Variants in SVOP observed in about 807,000 individuals in gnomAD.
SVOP encodes synaptic vesicle 2-related protein.
In SVOP, 17 loss-of-function variants were observed where a neutral mutation model predicts 69.1. The observed-to-expected ratio is 0.25, with a 90% CI of 0.17 to 0.37. The LOEUF (loss-of-function observed/expected upper bound fraction) is 0.37. Ranked by LOEUF, SVOP falls within the 10% of genes least tolerant of loss-of-function variation. The pLI, the probability that SVOP is intolerant of heterozygous loss-of-function variation, is 1.00. For missense variants in SVOP, 435 were observed against 597.5 expected (o/e 0.73, Z 2.84); for synonymous variants, 238 against 238.6 (o/e 1.00, Z 0.02).
intron 12 of SVOP, among the ~76,000 whole-genome samples, chr12:108,920,594 CTTTTTT>C (rs71079507): frequency 1.6e-5 from 2 of 121,318 alleles, no homozygotes; most frequent in Admixed American, 9.6e-5. Flanking sequence ...ATTTTTACAT[CTTTTTT>C]TTTTTTTTTT....
intron 11 of SVOP, among the ~76,000 whole-genome samples, chr12:108,925,808 T>C (rs1162189588): frequency 6.6e-6 from 1 of 152,128 alleles, no homozygotes; most frequent in Non-Finnish European, 1.5e-5. Flanking sequence ...CCATGATGAA[T>C]TTCCTCACTT....
intron 1 of SVOP, among the ~76,000 whole-genome samples, chr12:108,997,526 AG>A (rs1316094287): frequency 1.3e-5 from 2 of 152,284 alleles, no homozygotes; most frequent in Admixed American, 1.3e-4. Context: ...ACAAACAAAA[AG>A]ACAGCAGTAA....
At chr12:109,001,180 C>G in intron 1 of SVOP, among the ~76,000 whole-genome samples, 1 of 34,830 alleles carries the variant, frequency 2.9e-5, no homozygotes, top group African/African-American at 7.4e-5. Context: ...AGACAGAGAG[C>G]CAAATCATGA....
At chr12:109,004,982 C>A (rs553907301) in intron 1 of SVOP, among the ~76,000 whole-genome samples, 1 of 152,224 alleles carries the variant, frequency 6.6e-6, no homozygotes, top group South Asian at 2.1e-4. Flanking sequence ...AAGTGATCTA[C>A]CTGTCTTGGC....
rs1436769128 is a variant in SVOP at position 108,997,686 on chromosome 12, C to G, written c.36-13925G>C. On this transcript the variant is annotated intron_variant, in intron 1 of 15. Transcript: ENST00000610966. ...CCGAGCAGCCTAACTGGGAGGCACCCCCCAGCAGGGGCACACTGACAACTC... is the reference window on the plus strand; with the variant it reads ...CCGAGCAGCCTAACTGGGAGGCACCGCCCAGCAGGGGCACACTGACAACTC... 8.6e-5 allele frequency among the ~76,000 whole-genome samples: 13 copies of G among 151,562 alleles called. No individual in the cohort carries two copies. The South Asian group carries it at 1.5e-3, about 17-fold the overall frequency.
chr12:108,986,633 A>G (rs886168385), intron 1 of SVOP, among the ~76,000 whole-genome samples: 4 of 152,188 alleles, frequency 2.6e-5, no homozygotes, highest in African/African-American at 9.7e-5. Context: ...GGACTTCAAG[A>G]GACATTTCTC....
In SVOP at chr12:108,961,032, C is replaced by T. The variant is rs1221990955; in HGVS notation, c.469G>A (p.Val157Met). 7 of 1,535,884 alleles carry T rather than the reference C, an allele frequency of 4.6e-6. No homozygotes were observed. The highest frequency in any genetic ancestry group is 2.0e-5 in the Admixed American group (1 of 50,920). Residue 157 changes from valine (V) to methionine (M), a missense_variant, in exon 6 of 16, where the codon GTG (valine) becomes ATG (methionine). Transcript: ENST00000610966. ...ATGCCATAGTACAGAGTCCACAGCA[C>T]GCTGATCTTCAGCCCCTGAAGAGAA... Reference protein sequence around the residue: ...YGRKTGLKISVLWTLYYGILS... With the variant: ...YGRKTGLKISMLWTLYYGILS...
At chr12:108,958,713 A>G (rs552179752) in intron 6 of SVOP, among the ~76,000 whole-genome samples, 7 of 152,222 alleles carry the variant, frequency 4.6e-5, no homozygotes, top group African/African-American at 1.7e-4. Flanking sequence ...GCCTGCCAGG[A>G]GCTGAGTCCC....
chr12:108,944,313 A>G lies in SVOP; in HGVS notation c.642+790T>C, dbSNP rs564927321. ...TTGCCTTGGCCTCCCAAAGTCCCAG[A>G]TGCATTTCAATATTTAAACAATGGA... On this transcript the variant is annotated intron_variant, in intron 7 of 15. Transcript: ENST00000610966. Among the ~76,000 whole-genome samples, 15 of 152,220 alleles carry G rather than the reference A, an allele frequency of 9.9e-5. No individual in the cohort carries two copies. In the South Asian group the frequency reaches 3.1e-3, roughly 32 times the overall value.
chr12:108,990,143 C>T (rs1472315999), intron 1 of SVOP, among the ~76,000 whole-genome samples: 1 of 152,136 alleles, frequency 6.6e-6, no homozygotes, highest in Non-Finnish European at 1.5e-5. Context: ...ATTCACATAT[C>T]TCAGGAATGA....
At chr12:108,949,045 C>A (rs1218659562) in intron 6 of SVOP, among the ~76,000 whole-genome samples, 1 of 152,086 alleles carries the variant, frequency 6.6e-6, no homozygotes, top group African/African-American at 2.4e-5. Flanking sequence ...CCTTAGAGAT[C>A]GAGGATTTGT....
At chr12:108,933,634 C>T (rs1035972392) in intron 11 of SVOP, among the ~76,000 whole-genome samples, 1 of 151,856 alleles carries the variant, frequency 6.6e-6, no homozygotes, top group Non-Finnish European at 1.5e-5. Flanking sequence ...GAGCTGAGAT[C>T]AAGCCACTGC....
chr12:108,972,562 C>T, intron 4 of SVOP, 86 bp from the exon 5 acceptor site: 1 of 1,335,172 alleles, frequency 7.5e-7, no homozygotes. Flanking sequence ...GGTGACGTCA[C>T]CCTCTAGGTA....
chr12:108,927,622 A>C, intron 11 of SVOP, among the ~76,000 whole-genome samples: 2 of 131,320 alleles, frequency 1.5e-5, no homozygotes, highest in Non-Finnish European at 3.1e-5. Context: ...AGAGGCTCTC[A>C]CTCTGTTGCC....
intron 1 of SVOP, among the ~76,000 whole-genome samples, chr12:108,998,435 T>C (rs376335837): frequency 1.4e-4 from 21 of 152,080 alleles, no homozygotes; most frequent in Non-Finnish European, 2.4e-4. Flanking sequence ...GGCAGGCCAA[T>C]GTTCAGATTC....
chr12:108,993,237 A>G (rs528026972), intron 1 of SVOP, among the ~76,000 whole-genome samples: 1 of 152,086 alleles, frequency 6.6e-6, no homozygotes, highest in South Asian at 2.1e-4. Flanking sequence ...CAAACTCCTG[A>G]CCTCAGATGA....
At chr12:108,935,732 A>G (rs1490848478) in intron 10 of SVOP, among the ~76,000 whole-genome samples, 3 of 152,224 alleles carry the variant, frequency 2.0e-5, no homozygotes, top group African/African-American at 7.2e-5. Context: ...TTCACTATTA[A>G]TGCTGTGTAC....
In SVOP at chr12:108,915,771, G is replaced by GCATCCCATCT; in HGVS notation, c.1440+11_1440+12insAGATGGGATG. On this transcript the variant is annotated intron_variant, in intron 15 of 15. Transcript: ENST00000610966. The stretch of plus-strand genomic sequence containing the variant: ...CACCCCCCATCCCTCTGTATTTGGG[G>GCATCCCATCT]GCAGCACCTACCTGGGCGATGAACG... 1.3e-6 allele frequency: 2 copies of GCATCCCATCT among 1,595,938 alleles called. No individual in the cohort carries two copies. Among genetic ancestry groups the GCATCCCATCT allele is most frequent in the Middle Eastern group, 1.7e-4 (1 of 6,036 alleles).
intron 1 of SVOP, among the ~76,000 whole-genome samples, chr12:108,984,453 G>A (rs1019684889): frequency 6.8e-6 from 1 of 146,184 alleles, no homozygotes; most frequent in African/African-American, 2.5e-5. Flanking sequence ...GGTGGTCCCC[G>A]GCCCACCCCA....
Sources: allele counts gnomAD v4.1 joint callset (sites outside exome capture counted in the v4.1 genomes callset), GRCh38; gene constraint gnomAD v4.1.1; transcripts MANE v1.5; gene names NCBI Gene and HGNC (gene_info 2026-07-23, HGNC 2026-07-21).